The following ADGRL3 variants were observed in gnomAD, a reference collection of about 807,000 sequenced individuals.
ADGRL3 encodes the protein calcium-independent alpha-latrotoxin receptor 3.
ADGRL3 carries 62 observed loss-of-function variants against 153.5 expected under a neutral mutation model. The ratio of observed to expected loss-of-function variants is 0.40; its 90% CI spans 0.33 to 0.50. The LOEUF (loss-of-function observed/expected upper bound fraction) is 0.50. Ranked by LOEUF, ADGRL3 falls within the 20% of genes least tolerant of loss-of-function variation. The pLI is 0.47. For synonymous variants in ADGRL3, 710 were observed against 672.5 expected, an observed-to-expected ratio of 1.06 and a Z score of -0.86; for missense variants, 1,641 against 1,859.4, an observed-to-expected ratio of 0.88 and a Z score of 2.16.
intron 1 of ADGRL3, among the ~76,000 whole-genome samples, chr4:61,345,090 G>A (rs1368395633): frequency 2.6e-5 from 4 of 151,786 alleles, no homozygotes; most frequent in Admixed American, 2.0e-4. Flanking sequence ...GAGACATCAC[G>A]CCCGGCCTTA....
intron 2 of ADGRL3, among the ~76,000 whole-genome samples, chr4:61,485,604 A>G (rs942846588): frequency 6.6e-6 from 1 of 152,150 alleles, no homozygotes; most frequent in African/African-American, 2.4e-5. Context: ...GATGAGATAT[A>G]CCTTCCCCTG....
At chr4:61,875,926 C>T (rs967395810) in intron 9 of ADGRL3, among the ~76,000 whole-genome samples, 4 of 152,102 alleles carry the variant, frequency 2.6e-5, no homozygotes, top group African/African-American at 9.6e-5. Flanking sequence ...TGGCTCACGC[C>T]TATAATCCCA....
At chr4:61,386,634 G>A (rs2096739688) in intron 2 of ADGRL3, among the ~76,000 whole-genome samples, 1 of 152,134 alleles carries the variant, frequency 6.6e-6, no homozygotes. Context: ...TAGAGAAAGT[G>A]TAGCTCTTTC....
intron 5 of ADGRL3, among the ~76,000 whole-genome samples, chr4:61,670,786 A>G (rs1262472402): frequency 1.3e-5 from 2 of 152,166 alleles, no homozygotes; most frequent in African/African-American, 2.4e-5. Context: ...GTGTTTGTGT[A>G]TGCCTGGGGT....
At chr4:62,052,050 G>C (rs1329163222) in intron 25 of ADGRL3, among the ~76,000 whole-genome samples, 1 of 151,244 alleles carries the variant, frequency 6.6e-6, no homozygotes, top group Admixed American at 6.6e-5. Flanking sequence ...TTTGCATATT[G>C]TACTCTGTTC....
chr4:61,304,014 A>G (rs2094679108), intron 1 of ADGRL3, among the ~76,000 whole-genome samples: 2 of 152,192 alleles, frequency 1.3e-5, no homozygotes, highest in Non-Finnish European at 2.9e-5. Flanking sequence ...AAGGGTGTGA[A>G]CATGTTTATT....
At chr4:61,477,233 C>G (rs1010279073) in intron 2 of ADGRL3, among the ~76,000 whole-genome samples, 6 of 152,068 alleles carry the variant, frequency 3.9e-5, no homozygotes, top group African/African-American at 1.4e-4. Context: ...ATTATTAAGT[C>G]AGAAAATTCA....
At chr4:61,890,940 T>A (rs942863875) in intron 9 of ADGRL3, among the ~76,000 whole-genome samples, 4 of 113,956 alleles carry the variant, frequency 3.5e-5, no homozygotes, top group African/African-American at 1.4e-4. Context: ...ACATTTGATT[T>A]ATTATATATG....
chr4:62,038,006 A>C, intron 24 of ADGRL3, 150 bp downstream of exon 24: 1 of 840,632 alleles, frequency 1.2e-6, no homozygotes, highest in Non-Finnish European at 1.8e-6. Flanking sequence ...TCTGACAGAA[A>C]TGGAAGAAAC....
intron 8 of ADGRL3, among the ~76,000 whole-genome samples, chr4:61,811,689 C>A (rs1282299751): frequency 6.6e-6 from 1 of 152,130 alleles, no homozygotes; most frequent in African/African-American, 2.4e-5. Flanking sequence ...TCTATATCTC[C>A]ATATAAATGT....
intron 23 of ADGRL3, among the ~76,000 whole-genome samples, chr4:62,033,114 T>G (rs901424526): frequency 6.6e-6 from 1 of 151,924 alleles, no homozygotes; most frequent in Admixed American, 6.6e-5. Flanking sequence ...GGTTGCCCCA[T>G]GAAGGGACAT....
At chr4:61,829,298 C>A (rs540197063) in intron 9 of ADGRL3, among the ~76,000 whole-genome samples, 1 of 152,228 alleles carries the variant, frequency 6.6e-6, no homozygotes, top group Middle Eastern at 3.4e-3. Context: ...ATGAATAGTC[C>A]ATTCGTGTAA....
chr4:61,533,610 G>T (rs2098636997), intron 4 of ADGRL3, among the ~76,000 whole-genome samples: 1 of 152,064 alleles, frequency 6.6e-6, no homozygotes, highest in African/African-American at 2.4e-5. Flanking sequence ...CTTAGCCTCT[G>T]TATCATAGCA....
chr4:61,480,954 A>G (rs992294767), intron 2 of ADGRL3, among the ~76,000 whole-genome samples: 3 of 152,162 alleles, frequency 2.0e-5, no homozygotes, highest in Non-Finnish European at 4.4e-5. Context: ...ATCACAGCCA[A>G]TCACTCTAAA....
intron 9 of ADGRL3, among the ~76,000 whole-genome samples, chr4:61,829,924 T>C (rs1189499857): frequency 2.6e-5 from 4 of 151,950 alleles, no homozygotes; most frequent in African/African-American, 9.7e-5. Context: ...CTCAGCACTT[T>C]GGGAGGCCAT....
intron 2 of ADGRL3, among the ~76,000 whole-genome samples, chr4:61,487,139 G>C (rs917598155): frequency 1.2e-4 from 19 of 152,092 alleles, no homozygotes; most frequent in African/African-American, 4.6e-4. Flanking sequence ...CTTTACATAA[G>C]GTATGCTACA....
At chr4:61,261,153 C>A (rs569163798) in intron 1 of ADGRL3, among the ~76,000 whole-genome samples, 1 of 151,396 alleles carries the variant, frequency 6.6e-6, no homozygotes, top group Admixed American at 6.6e-5. Context: ...CATCCAATAC[C>A]ACTCCCAGCT....
intron 8 of ADGRL3, among the ~76,000 whole-genome samples, chr4:61,779,633 CAAAAA>C (rs1174232668): frequency 3.1e-4 from 13 of 42,094 alleles, no homozygotes; most frequent in Admixed American, 2.4e-3. Context: ...GACTCTGTCT[CAAAAA>C]AAAAAAAAAA....
intron 4 of ADGRL3, among the ~76,000 whole-genome samples, chr4:61,517,815 C>T (rs2098506713): frequency 6.6e-6 from 1 of 152,100 alleles, no homozygotes; most frequent in South Asian, 2.1e-4. Flanking sequence ...CTTTTAGTGA[C>T]ACTTTCAACT....
Sources: allele counts gnomAD v4.1 joint callset (sites outside exome capture counted in the v4.1 genomes callset), GRCh38; gene constraint gnomAD v4.1.1; transcripts MANE v1.5; gene names NCBI Gene and HGNC (gene_info 2026-07-23, HGNC 2026-07-21).